The following ZNF565 variants were observed in gnomAD, a reference collection of about 807,000 sequenced individuals.
The protein encoded by ZNF565 is zinc finger protein 565.
Under a neutral mutation model 39.4 loss-of-function variants are expected in ZNF565, and 27 were observed. That is an observed-to-expected ratio of 0.69 (90% CI 0.51 to 0.95). ZNF565 has a LOEUF of 0.95. ZNF565 is among the 40% of genes least tolerant of loss of function. ZNF565 has a pLI of 0.00. For missense variants in ZNF565, 524 were observed against 621.1 expected (o/e 0.84, Z 1.66); for synonymous variants, 185 against 216.6 (o/e 0.85, Z 1.28).
At chr19:36,228,707 C>T (rs1267639215) in intron 1 of ZNF565, 1 of 152,136 alleles carries the variant, frequency 6.6e-6, no homozygotes, top group Non-Finnish European at 1.5e-5. Flanking sequence ...GTACTTTGGA[C>T]CCAGCATTAA....
intron 2 of ZNF565, among the ~76,000 whole-genome samples, chr19:36,195,853 AT>A (rs1975740485): frequency 1.4e-5 from 2 of 147,868 alleles, no homozygotes; most frequent in African/African-American, 5.0e-5. Flanking sequence ...CACCTGACCC[AT>A]TTTAAATGAG....
intron 1 of ZNF565, among the ~76,000 whole-genome samples, chr19:36,213,970 C>A (rs966786945): frequency 2.0e-5 from 3 of 152,036 alleles, no homozygotes; most frequent in African/African-American, 4.8e-5. Context: ...CACACCAACA[C>A]CCACAAATGC....
intron 1 of ZNF565, chr19:36,236,216 A>G (rs1444629935): frequency 2.0e-6 from 1 of 493,752 alleles, no homozygotes; most frequent in South Asian, 3.8e-5. Flanking sequence ...GCAATACTTC[A>G]TTGAATATTA....
chr19:36,240,136 C>T (rs1056821444), intron 1 of ZNF565, among the ~76,000 whole-genome samples: 2 of 152,158 alleles, frequency 1.3e-5, no homozygotes, highest in African/African-American at 2.4e-5. Context: ...TCCATGGGCT[C>T]TGCATCCATT....
At chr19:36,224,945 A>G (rs1977006113) in intron 1 of ZNF565, among the ~76,000 whole-genome samples, 1 of 151,720 alleles carries the variant, frequency 6.6e-6, no homozygotes, top group South Asian at 2.1e-4. Flanking sequence ...GAAGCTGTTG[A>G]TTTCTACATA....
Position 36,183,315 on chromosome 19 carries a change from G to A in ZNF565, c.651C>T (p.His217=). Residue 217 remains histidine, a synonymous_variant, in exon 5 of 5, where the codon CAC becomes CAT. Coordinates refer to ENST00000304116, the MANE Select transcript of ZNF565 (RefSeq NM_152477.5). Reference sequence around the variant, plus strand: ...TACAGTCATAAGGTTTCTCACCCGTGTGAATTCTCTGATGCTGAACAAGGT... The same window carrying A: ...TACAGTCATAAGGTTTCTCACCCGTATGAATTCTCTGATGCTGAACAAGGT... ...ASHLVQHQRI[H]TGEKPYDCKD... is the part of the protein sequence containing the mutation. 1 of 1,613,882 alleles carries A rather than the reference G, an allele frequency of 6.2e-7. No homozygotes were observed. Among genetic ancestry groups the A allele is most frequent in the Non-Finnish European group, 8.5e-7 (1 of 1,179,960 alleles).
chr19:36,223,510 A>C (rs1328365518), intron 1 of ZNF565, among the ~76,000 whole-genome samples: 1 of 151,742 alleles, frequency 6.6e-6, no homozygotes, highest in Non-Finnish European at 1.5e-5. Flanking sequence ...CTACAGGCGC[A>C]TGCCACCACG....
chr19:36,233,477 G>A (rs535933289), intron 1 of ZNF565, among the ~76,000 whole-genome samples: 15 of 152,190 alleles, frequency 9.9e-5, no homozygotes, highest in Admixed American at 5.9e-4. Context: ...GGGGACCGGC[G>A]TTAGGGAGGA....
intron 1 of ZNF565, among the ~76,000 whole-genome samples, chr19:36,211,609 C>T (rs1005678146): frequency 6.6e-6 from 1 of 151,148 alleles, no homozygotes; most frequent in Non-Finnish European, 1.5e-5. Flanking sequence ...CTGGCTAACA[C>T]GGTGAAACCC....
intron 1 of ZNF565, among the ~76,000 whole-genome samples, chr19:36,243,532 C>T (rs1032766587): frequency 3.3e-5 from 5 of 152,154 alleles, no homozygotes; most frequent in Non-Finnish European, 5.9e-5. Context: ...AGAATGGACA[C>T]GATGACCATA....
intron 1 of ZNF565, chr19:36,235,845 T>C (rs1977626515): frequency 6.6e-6 from 1 of 152,258 alleles, no homozygotes; most frequent in African/African-American, 2.4e-5. Flanking sequence ...AGTTTTCAGT[T>C]TGAAACACAA....
At chr19:36,213,888 G>A (rs1392600418) in intron 1 of ZNF565, among the ~76,000 whole-genome samples, 1 of 150,356 alleles carries the variant, frequency 6.7e-6, no homozygotes, top group South Asian at 2.1e-4. Context: ...TCACACACCC[G>A]CTAAGACACA....
chr19:36,244,013 C>CT lies in ZNF565; in HGVS notation c.55+1462dup, dbSNP rs1452520690. Among the ~76,000 whole-genome samples the CT allele has an allele frequency of 6.6e-5, 10 of 152,160 alleles. No individual in the cohort carries two copies. The East Asian group carries it at 1.7e-3, about 26-fold the overall frequency. ...CACCACACCCAGCCTTCCCTTTTTTCTGTTTTTCTTCTTTTCTCTACTGGC... is the reference window on the plus strand; with the variant it reads ...CACCACACCCAGCCTTCCCTTTTTTCTTGTTTTTCTTCTTTTCTCTACTGGC... On this transcript the variant is annotated intron_variant, in intron 1 of 4. Transcript: ENST00000355114.
chr19:36,188,501 C>T (rs1975398829), intron 4 of ZNF565, among the ~76,000 whole-genome samples: 1 of 152,010 alleles, frequency 6.6e-6, no homozygotes, highest in African/African-American at 2.4e-5. Flanking sequence ...CAGTTGAGGT[C>T]AGGAGTTCGA....
intron 1 of ZNF565, among the ~76,000 whole-genome samples, chr19:36,244,820 C>T (rs2029881089): frequency 6.7e-6 from 1 of 148,282 alleles, no homozygotes; most frequent in Non-Finnish European, 1.5e-5. Flanking sequence ...CACTGCCCTC[C>T]AGCCTGGCGA....
At chr19:36,228,292 C>T (rs1254173017) in intron 1 of ZNF565, among the ~76,000 whole-genome samples, 1 of 151,884 alleles carries the variant, frequency 6.6e-6, no homozygotes, top group Admixed American at 6.6e-5. Context: ...TGCCCATGTG[C>T]TTTAGTTCTG....
At chr19:36,233,453 G>A (rs902105039) in intron 1 of ZNF565, among the ~76,000 whole-genome samples, 5 of 152,084 alleles carry the variant, frequency 3.3e-5, no homozygotes, top group African/African-American at 1.2e-4. Context: ...TATAGAGAAA[G>A]AAAAATGGGC....
upstream of ZNF565, among the ~76,000 whole-genome samples, chr19:36,217,363 G>A (rs959918651): frequency 6.6e-5 from 10 of 151,712 alleles, no homozygotes; most frequent in African/African-American, 2.2e-4. Context: ...GTGCCTGGCC[G>A]ACCCTGTCTT....
chr19:36,185,045 G>A (rs1975237431), intron 4 of ZNF565, among the ~76,000 whole-genome samples: 1 of 151,912 alleles, frequency 6.6e-6, no homozygotes, highest in African/African-American at 2.4e-5. Flanking sequence ...TTGAACCTAG[G>A]AGGCAGAGGT....
Sources: allele counts gnomAD v4.1 joint callset (sites outside exome capture counted in the v4.1 genomes callset), GRCh38; gene constraint gnomAD v4.1.1; transcripts MANE v1.5; gene names NCBI Gene and HGNC (gene_info 2026-07-23, HGNC 2026-07-21).